TMEM245: variants seen among roughly 807,000 people sequenced by gnomAD.
TMEM245 encodes the protein transmembrane protein 245, also known as protein CG-2.
A neutral mutation model predicts 101.2 loss-of-function variants in TMEM245; 69 were observed. That is an observed-to-expected ratio of 0.68 (90% CI 0.56 to 0.83). The LOEUF is 0.83. Ranked by LOEUF, TMEM245 falls within the 40% of genes least tolerant of loss-of-function variation. The pLI, the probability that TMEM245 is intolerant of heterozygous loss-of-function variation, is 0.00. For synonymous variants in TMEM245, 537 were observed against 449.8 expected, an observed-to-expected ratio of 1.19 and a Z score of -2.45; for missense variants, 1,075 against 1,092.8, an observed-to-expected ratio of 0.98 and a Z score of 0.23.
chr9:109,033,515 C>A lies in TMEM245; in HGVS notation c.2400-14G>T. ...GGATGGCCACCTCTGGAATAAAGAG[C>A]ACGACCTTTAACACACAAAAACTGG... On this transcript the variant is annotated splice_polypyrimidine_tract_variant and intron_variant, in intron 16 of 17. Transcript: ENST00000374586. 6.4e-7 allele frequency: 1 copy of A among 1,573,580 alleles called. No individual in the cohort carries two copies. The highest frequency in any genetic ancestry group is 1.2e-5 in the South Asian group (1 of 85,072).
intron 14 of TMEM245, among the ~76,000 whole-genome samples, chr9:109,041,185 T>C (rs1828291046): frequency 6.6e-6 from 1 of 152,106 alleles, no homozygotes; most frequent in South Asian, 2.1e-4. Context: ...TGACAATGCA[T>C]CTGAAGCACC....
At chr9:109,065,074 T>C (rs1248464340) in intron 9 of TMEM245, among the ~76,000 whole-genome samples, 2 of 152,124 alleles carry the variant, frequency 1.3e-5, no homozygotes, top group South Asian at 2.1e-4. Flanking sequence ...GCATGAGCCA[T>C]GGCACCAGGC....
At chr9:109,038,162 A>G in intron 14 of TMEM245, 45 bp from the exon 15 acceptor site, 2 of 1,475,056 alleles carry the variant, frequency 1.4e-6, no homozygotes, top group Non-Finnish European at 1.9e-6. Flanking sequence ...AAACAGTGTC[A>G]TATCGTGATT....
At chr9:109,091,494 T>C (rs1830005770) in intron 4 of TMEM245, among the ~76,000 whole-genome samples, 1 of 152,228 alleles carries the variant, frequency 6.6e-6, no homozygotes, top group East Asian at 1.9e-4. Flanking sequence ...AATGCTAACA[T>C]ATACTAGAAT....
In TMEM245 at chr9:109,050,365, T is replaced by A. The variant is rs1828637460; in HGVS notation, c.2041A>T (p.Lys681Ter). The change falls in exon 14 of 18, where the codon AAG becomes TAG. Residue 681 changes from lysine to a stop codon, truncating the protein, a stop_gained. Coordinates refer to ENST00000374586, the MANE Select transcript of TMEM245 (RefSeq NM_032012.4). LOFTEE classifies it high-confidence loss of function. Reference sequence around the variant, plus strand: ...AGTGGAGTCAGGCTTATCACCCACTTCACTGGCTTGTAGTACTCATCACTG... The same window carrying A: ...AGTGGAGTCAGGCTTATCACCCACTACACTGGCTTGTAGTACTCATCACTG... ...SSSDEYYKPV[K>*]WVISLTPLSQ... 1 of 1,613,974 alleles carries A rather than the reference T, an allele frequency of 6.2e-7. No homozygotes were observed. The highest frequency in any genetic ancestry group is 8.5e-7 in the Non-Finnish European group (1 of 1,180,008).
chr9:109,039,342 C>T (rs2132337047), intron 14 of TMEM245: 1 of 151,972 alleles, frequency 6.6e-6, no homozygotes. Context: ...AGCGAAAGAC[C>T]CCAAAGAAAA....
chr9:109,057,774 C>T (rs899193658), intron 11 of TMEM245, among the ~76,000 whole-genome samples: 2 of 151,832 alleles, frequency 1.3e-5, no homozygotes, highest in African/African-American at 2.4e-5. Context: ...AAATCAGCTA[C>T]GAACTCCATT....
At chr9:109,054,910 T>C (rs2132409019) in intron 12 of TMEM245, among the ~76,000 whole-genome samples, 1 of 152,354 alleles carries the variant, frequency 6.6e-6, no homozygotes. Context: ...CCTAGCACAA[T>C]ATTTGACACA....
At chr9:109,021,371 T>C (rs1400195274) in intron 17 of TMEM245, among the ~76,000 whole-genome samples, 2 of 152,228 alleles carry the variant, frequency 1.3e-5, no homozygotes, top group Admixed American at 6.5e-5. Flanking sequence ...CAGATGTTTA[T>C]GCAACAGTGA....
chr9:109,110,628 T>C (rs1830543863), intron 1 of TMEM245, among the ~76,000 whole-genome samples: 1 of 152,016 alleles, frequency 6.6e-6, no homozygotes, highest in Non-Finnish European at 1.5e-5. Flanking sequence ...AGCCCCACCC[T>C]ATTAAACATT....
intron 3 of TMEM245, among the ~76,000 whole-genome samples, 195 bp downstream of exon 3, chr9:109,106,313 T>C (rs1172097770): frequency 6.6e-6 from 1 of 151,596 alleles, no homozygotes; most frequent in African/African-American, 2.4e-5. Context: ...CTTTAAGTTA[T>C]ACATGCCTCA....
chr9:109,048,174 C>G (rs1245205092), intron 14 of TMEM245, among the ~76,000 whole-genome samples: 1 of 152,092 alleles, frequency 6.6e-6, no homozygotes, highest in East Asian at 1.9e-4. Flanking sequence ...GGACACTATA[C>G]AGGTGTTAAG....
At chr9:109,048,077 A>C (rs1468002380) in intron 14 of TMEM245, among the ~76,000 whole-genome samples, 2 of 152,228 alleles carry the variant, frequency 1.3e-5, no homozygotes, top group Admixed American at 1.3e-4. Context: ...ACTTCCTTCG[A>C]AACAGCTTCA....
At chr9:109,068,850 AAG>A (rs1172299803) in intron 9 of TMEM245, among the ~76,000 whole-genome samples, 1 of 152,188 alleles carries the variant, frequency 6.6e-6, no homozygotes, top group Non-Finnish European at 1.5e-5. Flanking sequence ...AGTGGTTGCT[AAG>A]AGTTAGGGAA....
intron 14 of TMEM245, among the ~76,000 whole-genome samples, chr9:109,049,603 G>T (rs1381462330): frequency 6.6e-6 from 1 of 152,142 alleles, no homozygotes; most frequent in Admixed American, 6.5e-5. Context: ...GAGGCAGGCA[G>T]ATCACTTAAG....
At chr9:109,036,977 T>A (rs1349862307) in intron 15 of TMEM245, among the ~76,000 whole-genome samples, 1 of 152,106 alleles carries the variant, frequency 6.6e-6, no homozygotes, top group African/African-American at 2.4e-5. Context: ...AAGTCTACCA[T>A]CCCGCCTCAC....
chr9:109,075,215 G>A (rs1467542666), intron 8 of TMEM245, among the ~76,000 whole-genome samples: 1 of 152,126 alleles, frequency 6.6e-6, no homozygotes. Flanking sequence ...TTACATTCCC[G>A]AAATAAACCT....
At position 109,119,454 on chromosome 9, in the gene TMEM245, C is replaced by T; in HGVS notation, c.460G>A (p.Ala154Thr). The change falls in exon 1 of 18, where the codon GCC (alanine) becomes ACC (threonine). Residue 154 changes from alanine (A) to threonine (T), a missense_variant. By Grantham distance (58) the Ala-to-Thr change is moderately conservative. Transcript: ENST00000374586. ...AGGCCGTACAGGAGCGGGCCGCCGGCGCCGAGCAGCAGGAGCAGGCGGCGG... is the reference window on the plus strand; with the variant it reads ...AGGCCGTACAGGAGCGGGCCGCCGGTGCCGAGCAGCAGGAGCAGGCGGCGG... ...RRRRLLLLLG[A>T]GGPLLYGLYC... The T allele has an allele frequency of 6.7e-7, 1 of 1,501,394 alleles. No individual in the cohort carries two copies. The highest frequency in any genetic ancestry group is 8.8e-7 in the Non-Finnish European group (1 of 1,133,306). The allele number at this position is 1,501,394 out of a possible 1,614,324, so 93.0% of individuals were successfully genotyped here. A position where few individuals can be genotyped will look rare whatever the true frequency, so the allele number is the denominator to read the frequency against.
chr9:109,098,584 G>A (rs1830202226), intron 3 of TMEM245, among the ~76,000 whole-genome samples: 1 of 152,008 alleles, frequency 6.6e-6, no homozygotes, highest in African/African-American at 2.4e-5. Context: ...AACAGTCCAG[G>A]CAGGGAGATG....
Sources: gnomAD v4.1 joint callset for allele counts (sites outside exome capture counted in the v4.1 genomes callset) on GRCh38, gnomAD v4.1.1 for gene constraint, MANE v1.5 for transcripts, NCBI Gene and HGNC (gene_info 2026-07-23, HGNC 2026-07-21) for gene names.